DAPK2: variants seen among roughly 807,000 people sequenced by gnomAD.
DAPK2 encodes the protein death associated protein kinase 2, also known as death-associated protein kinase 2.
A neutral mutation model predicts 44.1 loss-of-function variants in DAPK2; 35 were observed. That is an observed-to-expected ratio of 0.79 (90% CI 0.61 to 1.05). DAPK2 has a LOEUF of 1.05. Ranked by LOEUF, DAPK2 falls within the 50% of genes least tolerant of loss-of-function variation. The pLI is 0.00. For missense variants in DAPK2, 453 were observed against 483.2 expected (o/e 0.94, Z 0.59); for synonymous variants, 174 against 182.6 (o/e 0.95, Z 0.38).
intron 1 of DAPK2, among the ~76,000 whole-genome samples, chr15:64,022,931 A>G (rs2079733847): frequency 6.6e-6 from 1 of 152,180 alleles, no homozygotes; most frequent in Non-Finnish European, 1.5e-5. Context: ...CTAAGATAGC[A>G]TGATGAGAAA....
chr15:64,044,415 G>A (rs932051380), upstream of DAPK2, among the ~76,000 whole-genome samples: 4 of 152,106 alleles, frequency 2.6e-5, no homozygotes, highest in African/African-American at 7.3e-5. Flanking sequence ...GCAGTTCCAC[G>A]TTATCCATAC....
intron 4 of DAPK2, 33 bp from the exon 6 acceptor site, chr15:63,930,488 G>C: frequency 6.2e-7 from 1 of 1,604,320 alleles, no homozygotes; most frequent in African/African-American, 1.3e-5. Context: ...GTCAACATGA[G>C]TGTGAAAATG....
intron 3 of DAPK2, among the ~76,000 whole-genome samples, chr15:63,944,250 C>T (rs1033398664): frequency 1.3e-5 from 2 of 152,122 alleles, no homozygotes; most frequent in East Asian, 3.9e-4. Context: ...TCGTCCCTAC[C>T]TTCACCATTC....
At chr15:63,991,246 G>A in intron 1 of DAPK2, 2 of 456,354 alleles carry the variant, frequency 4.4e-6, no homozygotes, top group Non-Finnish European at 8.8e-6. Context: ...GGTGGGCAGT[G>A]CGCTGGGAAC....
At chr15:63,914,704 C>T (rs2078883215) in intron 8 of DAPK2, among the ~76,000 whole-genome samples, 1 of 152,166 alleles carries the variant, frequency 6.6e-6, no homozygotes, top group Non-Finnish European at 1.5e-5. Context: ...CCATTTGGCT[C>T]CCATCGCACA....
At chr15:63,979,970 C>T (rs984962063) in intron 2 of DAPK2, among the ~76,000 whole-genome samples, 1 of 152,138 alleles carries the variant, frequency 6.6e-6, no homozygotes, top group African/African-American at 2.4e-5. Context: ...CCTGGGAGGT[C>T]CTCCCTCTCA....
At chr15:63,946,862 C>G (rs1456322823) in intron 3 of DAPK2, among the ~76,000 whole-genome samples, 4 of 152,166 alleles carry the variant, frequency 2.6e-5, no homozygotes, top group Non-Finnish European at 4.4e-5. Context: ...TCAAGCACAG[C>G]CCCAGATTAT....
At chr15:63,998,945 T>C (rs536213551) in intron 1 of DAPK2, among the ~76,000 whole-genome samples, 1 of 152,330 alleles carries the variant, frequency 6.6e-6, no homozygotes, top group South Asian at 2.1e-4. Context: ...GGCAGCTTCC[T>C]CGCAAATCTT....
intron 1 of DAPK2, among the ~76,000 whole-genome samples, chr15:64,001,071 G>C (rs188504031): frequency 3.9e-5 from 6 of 152,064 alleles, no homozygotes; most frequent in Admixed American, 3.9e-4. Flanking sequence ...GTAGAGACAG[G>C]GTTTCACCAT....
chr15:63,942,224 C>T, intron 3 of DAPK2: 6 of 985,358 alleles, frequency 6.1e-6, no homozygotes, highest in Non-Finnish European at 7.2e-6. Flanking sequence ...GGCACACAGT[C>T]CAGGAGAGAT....
chr15:64,019,686 A>G (rs145455396), intron 1 of DAPK2, among the ~76,000 whole-genome samples: 1 of 152,214 alleles, frequency 6.6e-6, no homozygotes, highest in African/African-American at 2.4e-5. Context: ...TTTTTCCTAC[A>G]TGCCAGTGTG....
intron 8 of DAPK2, chr15:63,922,733 G>T (rs895193435): frequency 1.3e-6 from 2 of 1,513,572 alleles, no homozygotes; most frequent in Non-Finnish European, 8.8e-7. Context: ...GGATTCTGGC[G>T]ATTAGAGCTT....
At chr15:64,032,126 T>G (rs1242478384) in intron 1 of DAPK2, among the ~76,000 whole-genome samples, 1 of 152,138 alleles carries the variant, frequency 6.6e-6, no homozygotes, top group African/African-American at 2.4e-5. Flanking sequence ...TAAAAGCTGA[T>G]GTACACAGGA....
intron 4 of DAPK2, among the ~76,000 whole-genome samples, chr15:63,933,242 T>G (rs967822179): frequency 3.3e-5 from 5 of 152,208 alleles, no homozygotes; most frequent in Admixed American, 2.6e-4. Context: ...AATTTATTTG[T>G]TTTTATTTTT....
At chr15:63,994,820 T>A (rs2078910916) in intron 1 of DAPK2, among the ~76,000 whole-genome samples, 1 of 151,962 alleles carries the variant, frequency 6.6e-6, no homozygotes, top group Non-Finnish European at 1.5e-5. Flanking sequence ...GAACTCCTGA[T>A]CTCAGGTGAT....
At position 63,925,793 on chromosome 15, in the gene DAPK2, A is replaced by G. The variant is rs1595717244; in HGVS notation, c.812+148T>C. 6.4e-6 allele frequency: 6 copies of G among 937,456 alleles called. No individual in the cohort carries two copies. The East Asian group carries it at 1.5e-4, about 23-fold the overall frequency. 58.1% of individuals were successfully genotyped at this position (937,456 alleles called of 1,614,324 possible). A position where few individuals can be genotyped will look rare whatever the true frequency, so the allele number is the denominator to read the frequency against. On this transcript the variant is annotated intron_variant, in intron 7 of 10. Transcript: ENST00000261891. ...ACAAGATGAATGCCACGTCTTGGCTAGGCCACACTTTCCAGCACCTGCCCG... is the reference window on the plus strand; with the variant it reads ...ACAAGATGAATGCCACGTCTTGGCTGGGCCACACTTTCCAGCACCTGCCCG...
intron 1 of DAPK2, among the ~76,000 whole-genome samples, chr15:64,035,331 C>T (rs2080150573): frequency 6.6e-6 from 1 of 152,196 alleles, no homozygotes; most frequent in Non-Finnish European, 1.5e-5. Flanking sequence ...TATCTACTAG[C>T]ACCCTCCTCC....
In DAPK2 at chr15:64,020,264, C is replaced by T. The variant is rs1357398039; in HGVS notation, c.92+19906G>A. Among the ~76,000 whole-genome samples, 2 of 152,192 alleles carry T rather than the reference C, an allele frequency of 1.3e-5. No homozygotes were observed. Among genetic ancestry groups the T allele is most frequent in the African/African-American group, 2.4e-5 (1 of 41,446 alleles). On this transcript the variant is annotated intron_variant, in intron 1 of 10. Coordinates refer to ENST00000261891, the Ensembl canonical transcript of DAPK2. This position sits in a 1 kb window ranked among gnomAD's most constrained non-coding sequence, Gnocchi z 4.5. ...AGAGCCAAAGCCAGGACCCCTTTCTCTCCCACGCCAGCACACTCTTATTGC... is the reference window on the plus strand; with the variant it reads ...AGAGCCAAAGCCAGGACCCCTTTCTTTCCCACGCCAGCACACTCTTATTGC...
In DAPK2 at chr15:63,990,877, G is replaced by A. The variant is rs4436737; in HGVS notation, c.93-7123C>T. On this transcript the variant is annotated intron_variant, in intron 1 of 10. Transcript: ENST00000261891. The surrounding 1 kb of genome is among the most constrained non-coding windows in gnomAD (Gnocchi z 4.3). ...ACAAGAACCAGGTCAGCCTGATCCC[G>A]GAGGACCCACACCCACATCCCACAG... Among the ~76,000 whole-genome samples the A allele has an allele frequency of 0.31, 47,463 of 152,098 alleles. 8,690 individuals are homozygous for A. Among genetic ancestry groups the A allele is most frequent in the Non-Finnish European group, 0.42 (28,532 of 67,966 alleles).
Sources: gnomAD v4.1 joint callset for allele counts (sites outside exome capture counted in the v4.1 genomes callset) on GRCh38, gnomAD v4.1.1 for gene constraint, Gnocchi (gnomAD v3.1) non-coding constraint, MANE v1.5 for transcripts, NCBI Gene and HGNC (gene_info 2026-07-23, HGNC 2026-07-21) for gene names.